The following LYPD4 variants were observed in gnomAD, a reference collection of about 807,000 sequenced individuals.
The protein encoded by LYPD4 is ly6/PLAUR domain-containing protein 4.
LYPD4 carries 20 observed loss-of-function variants against 18.2 expected under a neutral mutation model. The observed-to-expected ratio is 1.10, with a 90% CI of 0.77 to 1.59. LYPD4 has a LOEUF of 1.59. LYPD4 is among the 40% of genes most tolerant of loss of function. LYPD4 has a pLI of 0.00. For missense variants in LYPD4, 278 were observed against 300.3 expected (o/e 0.93, Z 0.55); for synonymous variants, 111 against 118.3 (o/e 0.94, Z 0.40).
intron 3 of LYPD4, 22 bp downstream of exon 3, chr19:41,838,859 G>T: frequency 1.2e-6 from 2 of 1,611,932 alleles, no homozygotes; most frequent in South Asian, 1.1e-5. Context: ...AAACGAAATT[G>T]ATCAAACTTA....
chr19:41,839,457 C>A, intron 1 of LYPD4, 52 bp from the exon 2 acceptor site: 1 of 628,234 alleles, frequency 1.6e-6, no homozygotes, highest in Admixed American at 2.7e-5. Flanking sequence ...CTCCCTCAGA[C>A]CTTCTGGGTC....
Position 41,838,222 on chromosome 19 carries a change from G to A in LYPD4, c.251C>T (p.Ser84Leu), listed in dbSNP as rs374258552. ...RGVVGFKGCS[S>L]SSSYPAQISY... ...GATTTGCGCAGGGTAAGACGAAGAC[G>A]AGCTGCAGCCTTTAAAGCCCACGAC... is the stretch of plus-strand genomic sequence containing the variant. The change falls in exon 4 of 5, where the codon TCG becomes TTG. Residue 84 changes from serine to leucine, a missense_variant. Transcript: ENST00000609812. The A allele has an allele frequency of 3.2e-6, 5 of 1,547,174 alleles. No individual in the cohort carries two copies. The highest frequency in any genetic ancestry group is 3.5e-6 in the Non-Finnish European group (4 of 1,145,514).
intron 1 of LYPD4, among the ~76,000 whole-genome samples, chr19:41,841,507 A>G (rs1361050986): frequency 6.6e-6 from 1 of 151,802 alleles, no homozygotes; most frequent in Non-Finnish European, 1.5e-5. Flanking sequence ...CTCTACTACA[A>G]ATACAAAAAT....
downstream of LYPD4, among the ~76,000 whole-genome samples, chr19:41,836,302 A>AC (rs2073372381): frequency 9.6e-6 from 1 of 104,108 alleles, no homozygotes; most frequent in African/African-American, 3.6e-5. Flanking sequence ...AAAAAAAAAA[A>AC]AAAAAAAAAA....
At chr19:41,841,603 T>C (rs2073594226) in intron 1 of LYPD4, among the ~76,000 whole-genome samples, 1 of 147,060 alleles carries the variant, frequency 6.8e-6, no homozygotes, top group Admixed American at 6.9e-5. Flanking sequence ...AAGCCAGAGG[T>C]TGCAGTGAGC....
In LYPD4 at chr19:41,838,182, G is replaced by A. The variant is rs1555831406; in HGVS notation, c.291C>T (p.Ser97=). ...AGGAGGCAATGGACACTCCGGGTGG[G>A]GAAACAAGGTAGGAGATTTGCGCAG... ...SYPAQISYLV[S]PPGVSIASYS... Residue 97 remains serine (S), a synonymous_variant, in exon 4 of 5, where the codon TCC becomes TCT. Coordinates refer to ENST00000609812, the MANE Select transcript of LYPD4 (RefSeq NM_173506.7). The A allele has an allele frequency of 1.9e-6, 3 of 1,597,042 alleles. No homozygotes were observed. Among genetic ancestry groups the A allele is most frequent in the African/African-American group, 1.3e-5 (1 of 74,412 alleles).
intron 1 of LYPD4, among the ~76,000 whole-genome samples, chr19:41,840,223 T>C (rs561250428): frequency 6.6e-6 from 1 of 152,142 alleles, no homozygotes; most frequent in East Asian, 1.9e-4. Flanking sequence ...GTAAGAGTAC[T>C]GTACACCAGC....
intron 1 of LYPD4, among the ~76,000 whole-genome samples, chr19:41,842,689 A>G (rs912818269): frequency 7.4e-6 from 1 of 135,514 alleles, no homozygotes; most frequent in Non-Finnish European, 1.5e-5. Context: ...TGAACCCAGG[A>G]GGTGGAGGGT....
At chr19:41,838,803 A>G (rs1555832001) in intron 3 of LYPD4, 78 bp downstream of exon 3, 6 of 1,357,386 alleles carry the variant, frequency 4.4e-6, no homozygotes, top group South Asian at 1.3e-5. Context: ...TCTAATCTAC[A>G]GTCCCTCGGT....
intron 2 of LYPD4, 86 bp downstream of exon 2, chr19:41,839,133 A>C (rs782639273): frequency 8.7e-6 from 14 of 1,612,558 alleles, no homozygotes; most frequent in Non-Finnish European, 1.2e-5. Flanking sequence ...AGCGAAACCT[A>C]GATACCCAGC....
At chr19:41,838,778 G>T in intron 3 of LYPD4, 103 bp downstream of exon 3, 1 of 900,244 alleles carries the variant, frequency 1.1e-6, no homozygotes, top group Non-Finnish European at 1.7e-6. Context: ...TATATGTATA[G>T]TAACTATGTG....
At chr19:41,836,617 C>T (rs2073377751), downstream of LYPD4, among the ~76,000 whole-genome samples, 1 of 151,934 alleles carries the variant, frequency 6.6e-6, no homozygotes, top group African/African-American at 2.4e-5. Context: ...CCCTGGTGGT[C>T]AAACACAGTC....
intron 1 of LYPD4, among the ~76,000 whole-genome samples, chr19:41,842,778 A>C (rs1462142580): frequency 6.8e-6 from 1 of 147,246 alleles, no homozygotes; most frequent in Non-Finnish European, 1.5e-5. Flanking sequence ...AAAAAAAAAA[A>C]AAAAAAAAAA....
chr19:41,837,033 C>G, downstream of LYPD4: 1 of 1,526,474 alleles, frequency 6.6e-7, no homozygotes, highest in East Asian at 2.4e-5. Flanking sequence ...TTCCTCACAC[C>G]TTCCTCACCC....
chr19:41,840,208 T>A (rs972666111), intron 1 of LYPD4, among the ~76,000 whole-genome samples: 1 of 151,728 alleles, frequency 6.6e-6, no homozygotes, highest in Non-Finnish European at 1.5e-5. Flanking sequence ...AGGTCTGAAG[T>A]CTAGGTAAGA....
chr19:41,839,358 C>G lies in LYPD4; in HGVS notation c.-73G>C. The G allele has an allele frequency of 7.3e-7, 1 of 1,369,146 alleles. No homozygotes were observed. The highest frequency in any genetic ancestry group is 1.4e-5 in the African/African-American group (1 of 70,100). 84.8% of individuals were successfully genotyped at this position (1,369,146 alleles called of 1,614,324 possible). Reference sequence around the variant, plus strand: ...TTCAGTCTGGATCCCAAGCTCAGTTCCCATCAGTCCCCGAATTCTTTGTCC... The same window carrying G: ...TTCAGTCTGGATCCCAAGCTCAGTTGCCATCAGTCCCCGAATTCTTTGTCC... On this transcript the variant is annotated 5_prime_UTR_variant, in exon 2 of 5. Coordinates refer to ENST00000609812, the MANE Select transcript of LYPD4 (RefSeq NM_173506.7).
In LYPD4 at chr19:41,843,064, AAAAAAAAAAAAAAC is replaced by A. The variant is rs2073685570; in HGVS notation, c.-121+500_-121+513del. 1.7e-3 allele frequency among the ~76,000 whole-genome samples: 67 copies of A among 40,406 alleles called. 18 individuals carry two copies. Among genetic ancestry groups the A allele is most frequent in the South Asian group, 5.5e-3 (5 of 906 alleles). 26.5% of individuals were successfully genotyped at this position (40,406 alleles called of 152,430 possible). A position where few individuals can be genotyped will look rare whatever the true frequency, so the allele number is the denominator to read the frequency against. On this transcript the variant is annotated intron_variant, in intron 1 of 4. Transcript: ENST00000609812. ...AAAAAAAAAAAAAAAAAAAAAAAAA[AAAAAAAAAAAAAAC>A]CCCAACAACAACACTACACACATCC...
downstream of LYPD4, among the ~76,000 whole-genome samples, chr19:41,836,316 A>C (rs1377268523): frequency 2.9e-5 from 4 of 139,172 alleles, no homozygotes; most frequent in African/African-American, 7.9e-5. Context: ...AAAAAAAAAA[A>C]AAAAAAAAAA....
chr19:41,840,143 C>T (rs2073533060), intron 1 of LYPD4, among the ~76,000 whole-genome samples: 1 of 151,876 alleles, frequency 6.6e-6, no homozygotes. Context: ...CAGACACACA[C>T]ATACACACAC....
Sources: allele counts gnomAD v4.1 joint callset (sites outside exome capture counted in the v4.1 genomes callset), GRCh38; gene constraint gnomAD v4.1.1; transcripts MANE v1.5; gene names NCBI Gene and HGNC (gene_info 2026-07-23, HGNC 2026-07-21).